The following RASSF8 variants were observed in gnomAD, a reference collection of about 807,000 sequenced individuals.
RASSF8 encodes Ras association domain family member 8.
Under a neutral mutation model 48.5 loss-of-function variants are expected in RASSF8, and 22 were observed. That is an observed-to-expected ratio of 0.45 (90% CI 0.32 to 0.65). The LOEUF (loss-of-function observed/expected upper bound fraction) is 0.65. Among genes scored for constraint, RASSF8 ranks in the 30% least tolerant of loss-of-function variants. The pLI is 0.03. For missense variants in RASSF8, 418 were observed against 489.2 expected, an observed-to-expected ratio of 0.85 and a Z score of 1.37; for synonymous variants, 127 against 171.5, an observed-to-expected ratio of 0.74 and a Z score of 2.03.
At chr12:25,989,433 C>T (rs1565606966) in intron 1 of RASSF8, among the ~76,000 whole-genome samples, 2 of 151,396 alleles carry the variant, frequency 1.3e-5, no homozygotes, top group African/African-American at 2.4e-5. Flanking sequence ...ATAGAAGACA[C>T]CTAAATAATA....
At chr12:26,037,151 A>G (rs968807173) in intron 2 of RASSF8, among the ~76,000 whole-genome samples, 7 of 152,212 alleles carry the variant, frequency 4.6e-5, no homozygotes, top group South Asian at 2.1e-4. Flanking sequence ...ATTGCTTGAC[A>G]GTGCTGTACC....
At chr12:26,053,451 G>A (rs372523244) in intron 2 of RASSF8, among the ~76,000 whole-genome samples, 3 of 152,238 alleles carry the variant, frequency 2.0e-5, no homozygotes, top group Middle Eastern at 3.4e-3. Context: ...AGAGTGCCTC[G>A]CAGAAGAGGA....
At chr12:25,964,755 G>A (rs1472687338) in intron 1 of RASSF8, among the ~76,000 whole-genome samples, 2 of 152,104 alleles carry the variant, frequency 1.3e-5, no homozygotes, top group Non-Finnish European at 2.9e-5. Flanking sequence ...AAACTCTACT[G>A]TAAAAATACC....
At chr12:26,008,632 C>G (rs913668619) in intron 2 of RASSF8, among the ~76,000 whole-genome samples, 3 of 152,138 alleles carry the variant, frequency 2.0e-5, no homozygotes, top group Non-Finnish European at 4.4e-5. Flanking sequence ...ACATTAATAA[C>G]AGAGTAATTT....
chr12:26,008,787 G>A (rs1483072514), intron 2 of RASSF8, among the ~76,000 whole-genome samples: 1 of 151,996 alleles, frequency 6.6e-6, no homozygotes, highest in African/African-American at 2.4e-5. Flanking sequence ...TTTTTTACTT[G>A]GAAGGTACTT....
At position 26,069,680 on chromosome 12, in the gene RASSF8, G is replaced by T; in HGVS notation, c.*862G>T. On this transcript the variant is annotated 3_prime_UTR_variant, in exon 6 of 6. Transcript: ENST00000689635. Reference sequence around the variant, plus strand: ...TGGATCTTCAGAATTAATCTAACATGGAAGTTATAGATACCTGAAAGCTGG... The same window carrying T: ...TGGATCTTCAGAATTAATCTAACATTGAAGTTATAGATACCTGAAAGCTGG... The T allele has an allele frequency of 1.0e-6, 1 of 985,342 alleles. No homozygotes were observed. The highest frequency in any genetic ancestry group is 1.2e-6 in the Non-Finnish European group (1 of 829,890). 61.0% of individuals were successfully genotyped at this position (985,342 alleles called of 1,614,324 possible).
chr12:26,023,388 A>G (rs1377700686), intron 2 of RASSF8, among the ~76,000 whole-genome samples: 1 of 152,208 alleles, frequency 6.6e-6, no homozygotes, highest in Non-Finnish European at 1.5e-5. Flanking sequence ...AAAAGCAGCA[A>G]TAGAAAAGTG....
At chr12:25,963,127 T>G (rs1306909506) in intron 1 of RASSF8, among the ~76,000 whole-genome samples, 5 of 152,112 alleles carry the variant, frequency 3.3e-5, no homozygotes, top group African/African-American at 9.7e-5. Flanking sequence ...GGGAAAACTT[T>G]AGTAGAAAAA....
chr12:25,969,800 G>A (rs1941442385), intron 1 of RASSF8, among the ~76,000 whole-genome samples: 2 of 152,144 alleles, frequency 1.3e-5, no homozygotes, highest in Non-Finnish European at 2.9e-5. Flanking sequence ...GCAGACTGGA[G>A]AGATGGGTAT....
intron 3 of RASSF8, among the ~76,000 whole-genome samples, chr12:26,059,209 A>C (rs1165889781): frequency 6.6e-6 from 1 of 152,216 alleles, no homozygotes; most frequent in African/African-American, 2.4e-5. Context: ...CTTAACACAG[A>C]AATAAAAGTC....
chr12:26,062,693 GA>G (rs978990956), intron 3 of RASSF8, among the ~76,000 whole-genome samples: 12 of 150,358 alleles, frequency 8.0e-5, no homozygotes, highest in Admixed American at 2.0e-4. Context: ...CAAGGGAGGG[GA>G]AAAAATAAAT....
chr12:25,958,768 G>A lies in RASSF8; in HGVS notation c.-583G>A, dbSNP rs1027079604. 6.8e-6 allele frequency among the ~76,000 whole-genome samples: 1 copy of A among 146,472 alleles called. No homozygotes were observed. The highest frequency in any genetic ancestry group is 2.5e-5 in the African/African-American group (1 of 40,810). On this transcript the variant is annotated 5_prime_UTR_variant, in exon 1 of 6. Coordinates refer to ENST00000689635, the MANE Select transcript of RASSF8 (RefSeq NM_001394098.1). ...CCGCGCTCGTCCGGCGCCCCGCGCCGCGCCCCGCTCAGCGTCTGCCGCCCA... is the reference window on the plus strand; with the variant it reads ...CCGCGCTCGTCCGGCGCCCCGCGCCACGCCCCGCTCAGCGTCTGCCGCCCA...
intron 3 of RASSF8, among the ~76,000 whole-genome samples, chr12:26,057,153 T>G (rs537995258): frequency 1.4e-4 from 21 of 151,414 alleles, no homozygotes; most frequent in Non-Finnish European, 3.1e-4. Flanking sequence ...AAATTACACT[T>G]TAAGTTCTAG....
intron 1 of RASSF8, among the ~76,000 whole-genome samples, chr12:25,987,883 ACT>A (rs59899567): frequency 0.013 from 2,003 of 151,880 alleles, 47 homozygotes; most frequent in African/African-American, 0.045. Context: ...ATGGAATCTC[ACT>A]CTGTCACCCA....
intron 2 of RASSF8, among the ~76,000 whole-genome samples, chr12:26,054,928 A>G (rs1943570044): frequency 6.6e-6 from 1 of 152,192 alleles, no homozygotes. Context: ...AAATAATCCA[A>G]AAAGAAAAAA....
intron 3 of RASSF8, among the ~76,000 whole-genome samples, chr12:26,057,100 T>TTTTGTG (rs533427478): frequency 2.3e-5 from 3 of 128,842 alleles, no homozygotes; most frequent in South Asian, 2.6e-4. Flanking sequence ...AATGACACTT[T>TTTTGTG]TGTGTGTGTG....
chr12:26,053,502 A>AT, intron 2 of RASSF8, among the ~76,000 whole-genome samples: 1 of 152,202 alleles, frequency 6.6e-6, no homozygotes, highest in Non-Finnish European at 1.5e-5. Context: ...TGTTCTCTAG[A>AT]TTGGGCAGCA....
chr12:26,061,959 G>C (rs751512875), intron 3 of RASSF8, among the ~76,000 whole-genome samples: 6 of 152,176 alleles, frequency 3.9e-5, no homozygotes, highest in Non-Finnish European at 8.8e-5. Flanking sequence ...GACATTCTCA[G>C]AGGGTAGCAG....
rs149167958 is a variant in RASSF8, at chr12:26,035,767, A to G, written c.-108-19469A>G. On this transcript the variant is annotated intron_variant, in intron 2 of 5. Transcript: ENST00000689635. ...AGTAGCATATAATACATATATCACTATATATCTGATATATATGATATACAT... is the reference window on the plus strand; with the variant it reads ...AGTAGCATATAATACATATATCACTGTATATCTGATATATATGATATACAT... 7.6e-4 allele frequency among the ~76,000 whole-genome samples: 110 copies of G among 144,784 alleles called. 1 individual carries two copies. Among genetic ancestry groups the G allele is most frequent in the Middle Eastern group, 3.6e-3 (1 of 278 alleles). The allele number at this position is 144,784 out of a possible 152,430, so 95.0% of individuals were successfully genotyped here.
Sources: gnomAD v4.1 joint callset for allele counts (sites outside exome capture counted in the v4.1 genomes callset) on GRCh38, gnomAD v4.1.1 for gene constraint, MANE v1.5 for transcripts, NCBI Gene and HGNC (gene_info 2026-07-23, HGNC 2026-07-21) for gene names.